ZBBX: variants seen among roughly 807,000 people sequenced by gnomAD.
The protein encoded by ZBBX is zinc finger B-box domain-containing protein 1.
ZBBX carries 101 observed loss-of-function variants against 108.5 expected under a neutral mutation model. The observed-to-expected ratio is 0.93, with a 90% CI of 0.79 to 1.10. The LOEUF (loss-of-function observed/expected upper bound fraction) is 1.10, where lower values mean the gene tolerates loss of function less well. Ranked by LOEUF, ZBBX falls within the 50% of genes least tolerant of loss-of-function variation. The pLI, the probability that ZBBX is intolerant of heterozygous loss-of-function variation, is 0.00. For missense variants in ZBBX, 1,009 were observed against 941.4 expected (o/e 1.07, Z -0.94); for synonymous variants, 356 against 323.4 (o/e 1.10, Z -1.08).
chr3:167,327,745 CT>C (rs1343602612), intron 11 of ZBBX, among the ~76,000 whole-genome samples, 196 bp downstream of exon 11: 2 of 151,884 alleles, frequency 1.3e-5, no homozygotes, highest in Non-Finnish European at 2.9e-5. Flanking sequence ...AAAACCCCGT[CT>C]CTACTAAAAA....
At chr3:167,225,740 A>G in the ZBBX span, among the ~76,000 whole-genome samples, 5 of 151,782 alleles carry the variant, frequency 3.3e-5, no homozygotes, top group African/African-American at 1.2e-4. Flanking sequence ...ACTCATGCAA[A>G]TTGAGTAACT....
At chr3:167,225,321 A>G in the ZBBX span, among the ~76,000 whole-genome samples, 1 of 151,908 alleles carries the variant, frequency 6.6e-6, no homozygotes, top group Non-Finnish European at 1.5e-5. Context: ...GCACTTTGCA[A>G]AACACTTAAG....
intron 17 of ZBBX, among the ~76,000 whole-genome samples, chr3:167,304,409 T>C (rs560076111): frequency 6.6e-5 from 10 of 152,298 alleles, no homozygotes; most frequent in African/African-American, 2.4e-4. Flanking sequence ...CTGAAATGCA[T>C]GCTATGATCA....
the ZBBX span, among the ~76,000 whole-genome samples, chr3:167,179,181 G>T: frequency 1.3e-5 from 2 of 152,102 alleles, no homozygotes; most frequent in African/African-American, 4.8e-5. Context: ...ACATAAACTA[G>T]TCTCCCAAAT....
chr3:167,203,615 A>G, the ZBBX span, among the ~76,000 whole-genome samples: 8 of 152,168 alleles, frequency 5.3e-5, no homozygotes, highest in Admixed American at 5.2e-4. Context: ...AAAAGAAATG[A>G]ATAAAATTAC....
chr3:167,267,421 C>A (rs940859547), intron 20 of ZBBX, among the ~76,000 whole-genome samples: 1 of 152,056 alleles, frequency 6.6e-6, no homozygotes, highest in Non-Finnish European at 1.5e-5. Context: ...TAACTAGGAC[C>A]CAACATGGGA....
chr3:167,279,284 T>C (rs1374233103), intron 20 of ZBBX, among the ~76,000 whole-genome samples: 2 of 151,676 alleles, frequency 1.3e-5, no homozygotes, highest in African/African-American at 4.8e-5. Context: ...GGGTATTCAA[T>C]TAGGAAAAGA....
At chr3:167,360,118 A>T (rs1358981406) in intron 7 of ZBBX, 139 bp from the exon 8 acceptor site, 2 of 237,766 alleles carry the variant, frequency 8.4e-6, no homozygotes, top group African/African-American at 4.6e-5. Context: ...AAACATTTAT[A>T]ATTATATATA....
rs568684650 is a variant in ZBBX, at chr3:167,288,407, A to T, written c.1996+460T>A. On this transcript the variant is annotated intron_variant, in intron 19 of 21. Coordinates refer to ENST00000675490, the MANE Select transcript of ZBBX (RefSeq NM_001199201.2). The stretch of plus-strand genomic sequence containing the variant: ...CCAGGGTCAATGCATACAGAATTAT[A>T]TTTAGAACTAAGCTTTCTCAATCCC... 2.0e-5 allele frequency among the ~76,000 whole-genome samples: 3 copies of T among 152,298 alleles called. No homozygotes were observed. In the South Asian group the frequency reaches 6.2e-4, roughly 32 times the overall value.
chr3:167,268,175 C>A (rs1411908500), intron 20 of ZBBX, among the ~76,000 whole-genome samples: 2 of 152,010 alleles, frequency 1.3e-5, no homozygotes, highest in East Asian at 3.9e-4. Context: ...TGTAAGTGCT[C>A]CCCTAACTAG....
chr3:167,183,459 C>A, the ZBBX span, among the ~76,000 whole-genome samples: 1 of 152,306 alleles, frequency 6.6e-6, no homozygotes, highest in Admixed American at 6.5e-5. Context: ...CCTAACCCAG[C>A]GGCGCTAGAG....
At chr3:167,378,517 A>G (rs953429278) in intron 2 of ZBBX, among the ~76,000 whole-genome samples, 2 of 152,146 alleles carry the variant, frequency 1.3e-5, no homozygotes, top group Non-Finnish European at 2.9e-5. Flanking sequence ...CCATGTAGAA[A>G]ATGGTAAGGA....
intron 20 of ZBBX, among the ~76,000 whole-genome samples, chr3:167,253,477 G>A (rs1347025731): frequency 1.3e-5 from 2 of 151,810 alleles, no homozygotes; most frequent in Non-Finnish European, 2.9e-5. Flanking sequence ...AGGAAAACAG[G>A]TCAATAGAAA....
chr3:167,253,370 G>A (rs1179142549), intron 20 of ZBBX, among the ~76,000 whole-genome samples: 2 of 152,142 alleles, frequency 1.3e-5, no homozygotes, highest in Non-Finnish European at 2.9e-5. Flanking sequence ...GGAGACATCT[G>A]AAATCCTTAT....
intron 17 of ZBBX, among the ~76,000 whole-genome samples, chr3:167,301,975 A>C (rs1418864118): frequency 6.6e-6 from 1 of 151,136 alleles, no homozygotes; most frequent in Non-Finnish European, 1.5e-5. Context: ...AAAAAAAAAA[A>C]AAAACCTAGA....
At chr3:167,394,627 C>A (rs750900253) in intron 1 of ZBBX, among the ~76,000 whole-genome samples, 1 of 151,708 alleles carries the variant, frequency 6.6e-6, no homozygotes, top group Non-Finnish European at 1.5e-5. Flanking sequence ...AAAGGTTACA[C>A]GGCCCAAAGA....
rs547359392 is a variant in ZBBX, at chr3:167,328,700, T to C, written c.688-584A>G. On this transcript the variant is annotated intron_variant, in intron 10 of 21. Transcript: ENST00000675490. ...CAGTTCTGAGAACCCATCAAGCACATTGCCTCTTCAGGGCCTTGTATTAGC... is the reference window on the plus strand; with the variant it reads ...CAGTTCTGAGAACCCATCAAGCACACTGCCTCTTCAGGGCCTTGTATTAGC... Among the ~76,000 whole-genome samples the C allele has an allele frequency of 5.9e-5, 9 of 152,254 alleles. No individual in the cohort carries two copies. In the East Asian group the frequency reaches 9.7e-4, roughly 16 times the overall value.
At chr3:167,186,114 T>C in the ZBBX span, among the ~76,000 whole-genome samples, 2 of 152,008 alleles carry the variant, frequency 1.3e-5, no homozygotes, top group Admixed American at 1.3e-4. Context: ...AATTTTATTA[T>C]ATCTTATACT....
chr3:167,328,892 T>C (rs900583214), intron 10 of ZBBX, among the ~76,000 whole-genome samples: 8 of 152,340 alleles, frequency 5.3e-5, no homozygotes, highest in Admixed American at 4.6e-4. Context: ...TTAACTGTTT[T>C]ATTCTTCCTC....
Sources: gnomAD v4.1 joint callset for allele counts (sites outside exome capture counted in the v4.1 genomes callset) on GRCh38, gnomAD v4.1.1 for gene constraint, MANE v1.5 for transcripts, NCBI Gene and HGNC (gene_info 2026-07-23, HGNC 2026-07-21) for gene names.